KIAA1217: variants seen among roughly 807,000 people sequenced by gnomAD.
KIAA1217 encodes the protein KIAA1217.
KIAA1217 carries 88 observed loss-of-function variants against 163.9 expected under a neutral mutation model. The observed-to-expected ratio is 0.54, with a 90% CI of 0.45 to 0.64. The LOEUF is 0.64. KIAA1217 is among the 30% of genes least tolerant of loss of function. The probability of loss-of-function intolerance (pLI) is 0.00; values close to 1 mark genes in which losing one functional copy is unlikely to be tolerated. For synonymous variants in KIAA1217, 903 were observed against 923.1 expected (o/e 0.98, Z 0.39); for missense variants, 2,372 against 2,475.0 (o/e 0.96, Z 0.88).
chr10:24,370,348 C>A (rs1385521391), intron 2 of KIAA1217, among the ~76,000 whole-genome samples: 1 of 150,570 alleles, frequency 6.6e-6, no homozygotes, highest in African/African-American at 2.5e-5. Flanking sequence ...GAAGAGGAAG[C>A]AAATTTTAAA....
At chr10:24,227,458 C>T (rs982774776) in intron 2 of KIAA1217, among the ~76,000 whole-genome samples, 3 of 151,704 alleles carry the variant, frequency 2.0e-5, no homozygotes, top group Admixed American at 6.6e-5. Flanking sequence ...CGCACCTGGT[C>T]GGGATTATTC....
chr10:24,224,665 G>C (rs1306747463), intron 2 of KIAA1217, among the ~76,000 whole-genome samples: 2 of 151,940 alleles, frequency 1.3e-5, no homozygotes, highest in African/African-American at 4.8e-5. Context: ...GTTTGTCAAA[G>C]GAAAATAGTA....
chr10:24,182,302 G>A (rs2066208529), intron 2 of KIAA1217, among the ~76,000 whole-genome samples: 1 of 152,134 alleles, frequency 6.6e-6, no homozygotes, highest in African/African-American at 2.4e-5. Flanking sequence ...TGGGCATGGT[G>A]GTGTGCACCT....
chr10:23,941,257 ACAT>A (rs773381022), intron 1 of KIAA1217, among the ~76,000 whole-genome samples: 1 of 152,358 alleles, frequency 6.6e-6, no homozygotes, highest in African/African-American at 2.4e-5. Flanking sequence ...AACAGGGAAA[ACAT>A]CATTTTTATT....
chr10:24,382,995 G>C (rs78611934), intron 3 of KIAA1217, among the ~76,000 whole-genome samples: 1 of 151,826 alleles, frequency 6.6e-6, no homozygotes, highest in African/African-American at 2.4e-5. Flanking sequence ...CTACAGGCAC[G>C]CACCCAGGCG....
chr10:23,853,610 T>A (rs1179154790), intron 1 of KIAA1217, among the ~76,000 whole-genome samples: 1 of 152,214 alleles, frequency 6.6e-6, no homozygotes, highest in African/African-American at 2.4e-5. Context: ...TCCTTGTACC[T>A]CTGGTAGAAT....
chr10:23,889,291 G>A (rs1347686195), intron 1 of KIAA1217, among the ~76,000 whole-genome samples: 1 of 151,834 alleles, frequency 6.6e-6, no homozygotes, highest in Non-Finnish European at 1.5e-5. Flanking sequence ...GAGAGTTTCA[G>A]TAGCTCTTCA....
intron 1 of KIAA1217, among the ~76,000 whole-genome samples, chr10:23,783,305 A>G (rs977195852): frequency 6.6e-6 from 1 of 152,214 alleles, no homozygotes; most frequent in Admixed American, 6.5e-5. Context: ...CAGGTTGGAC[A>G]ACCTTGATTT....
At chr10:24,132,042 AC>A (rs573779377) in intron 2 of KIAA1217, among the ~76,000 whole-genome samples, 126 of 152,252 alleles carry the variant, frequency 8.3e-4, no homozygotes, top group African/African-American at 2.9e-3. Context: ...TCATTCAGGG[AC>A]CCAAGCTACT....
chr10:23,749,055 G>A (rs1258328559), intron 1 of KIAA1217, among the ~76,000 whole-genome samples: 1 of 151,956 alleles, frequency 6.6e-6, no homozygotes, highest in Non-Finnish European at 1.5e-5. Flanking sequence ...TGTTTTTATT[G>A]GTGTATATTT....
intron 1 of KIAA1217, among the ~76,000 whole-genome samples, chr10:23,924,472 A>T (rs1026802895): frequency 6.6e-6 from 1 of 152,194 alleles, no homozygotes; most frequent in Non-Finnish European, 1.5e-5. Flanking sequence ...AGATGTAAAG[A>T]TGATACCGAT....
At chr10:24,215,952 T>C (rs545399623) in intron 1 of KIAA1217, among the ~76,000 whole-genome samples, 8 of 152,336 alleles carry the variant, frequency 5.3e-5, no homozygotes, top group African/African-American at 1.9e-4. Flanking sequence ...AGTGGCTGCA[T>C]TGAGCCTTCT....
At chr10:24,480,192 A>G (rs1405088420) in intron 6 of KIAA1217, among the ~76,000 whole-genome samples, 1 of 152,250 alleles carries the variant, frequency 6.6e-6, no homozygotes, top group Non-Finnish European at 1.5e-5. Flanking sequence ...GCCCCAGCTT[A>G]GAAACGTTGC....
chr10:24,138,646 C>A (rs1244243859), intron 2 of KIAA1217, among the ~76,000 whole-genome samples: 66 of 143,924 alleles, frequency 4.6e-4, no homozygotes, highest in Non-Finnish European at 3.3e-4. Flanking sequence ...ATTCATTAAC[C>A]AAAAAAAAAA....
chr10:23,828,402 C>A (rs1838006427), intron 1 of KIAA1217, among the ~76,000 whole-genome samples: 2 of 151,992 alleles, frequency 1.3e-5, no homozygotes, highest in South Asian at 4.2e-4. Flanking sequence ...AGAGGGTGGG[C>A]ATGGGAGTTG....
At chr10:23,831,553 G>C (rs201427460) in intron 1 of KIAA1217, among the ~76,000 whole-genome samples, 1 of 152,234 alleles carries the variant, frequency 6.6e-6, no homozygotes, top group Middle Eastern at 3.4e-3. Flanking sequence ...CAACAGTGTT[G>C]CTCAGTTGTC....
At chr10:24,092,702 C>A (rs927484571) in intron 2 of KIAA1217, among the ~76,000 whole-genome samples, 65 of 150,520 alleles carry the variant, frequency 4.3e-4, no homozygotes, top group African/African-American at 1.5e-3. Flanking sequence ...GAAAAAAAAA[C>A]AAAAACCTAG....
At chr10:23,919,155 C>A (rs1287892739) in intron 1 of KIAA1217, among the ~76,000 whole-genome samples, 1 of 152,172 alleles carries the variant, frequency 6.6e-6, no homozygotes, top group African/African-American at 2.4e-5. Flanking sequence ...AGGCTTATCT[C>A]ATCAGAGAGG....
intron 1 of KIAA1217, among the ~76,000 whole-genome samples, chr10:23,802,795 G>C (rs538184791): frequency 1.8e-4 from 27 of 152,290 alleles, no homozygotes; most frequent in African/African-American, 6.5e-4. Flanking sequence ...TGGGACACTG[G>C]GCTGGCTCCT....
Sources: allele counts gnomAD v4.1 joint callset (sites outside exome capture counted in the v4.1 genomes callset), GRCh38; gene constraint gnomAD v4.1.1; transcripts MANE v1.5; gene names NCBI Gene and HGNC (gene_info 2026-07-23, HGNC 2026-07-21).